The following U2SURP variants were observed in gnomAD, a reference collection of about 807,000 sequenced individuals.
The protein encoded by U2SURP is U2 snRNP associated SURP domain containing.
In U2SURP, 9 loss-of-function variants were observed where a neutral mutation model predicts 144.9. The ratio of observed to expected loss-of-function variants is 0.06; its 90% confidence interval spans 0.04 to 0.11. The LOEUF (loss-of-function observed/expected upper bound fraction) is 0.11, where lower values mean the gene tolerates loss of function less well. Ranked by LOEUF, U2SURP falls within the 10% of genes least tolerant of loss-of-function variation. The pLI is 1.00. For synonymous variants in U2SURP, 408 were observed against 396.8 expected, an observed-to-expected ratio of 1.03 and a Z score of -0.33; for missense variants, 724 against 1,226.7, an observed-to-expected ratio of 0.59 and a Z score of 6.12.
intron 2 of U2SURP, chr3:143,012,002 TA>T: frequency 1.5e-6 from 1 of 662,512 alleles, no homozygotes; most frequent in Non-Finnish European, 2.8e-6. Context: ...AAACAACTGT[TA>T]CCAATATAAA....
intron 19 of U2SURP, among the ~76,000 whole-genome samples, chr3:143,035,502 A>G (rs915480754): frequency 1.8e-4 from 27 of 152,318 alleles, no homozygotes; most frequent in Admixed American, 9.8e-4. Flanking sequence ...GACAACTCCC[A>G]TTTTAAAAGT....
chr3:143,017,754 G>A (rs543003490), intron 6 of U2SURP, among the ~76,000 whole-genome samples: 2 of 151,974 alleles, frequency 1.3e-5, no homozygotes, highest in South Asian at 4.2e-4. Flanking sequence ...TGAGTAGCTG[G>A]GACTACAGGC....
chr3:143,013,153 T>C (rs2108274106), intron 3 of U2SURP, among the ~76,000 whole-genome samples: 1 of 152,178 alleles, frequency 6.6e-6, no homozygotes, highest in African/African-American at 2.4e-5. Flanking sequence ...CACATCTCTG[T>C]TGGGTATCTG....
intron 16 of U2SURP, among the ~76,000 whole-genome samples, chr3:143,030,721 T>G (rs2108292729): frequency 6.6e-6 from 1 of 152,250 alleles, no homozygotes; most frequent in Middle Eastern, 3.4e-3. Context: ...AGAAACCTTG[T>G]GGAAAGCATT....
At chr3:143,014,287 A>G (rs781143386) in intron 3 of U2SURP, 24 bp from the exon 4 acceptor site, 1 of 1,507,368 alleles carries the variant, frequency 6.6e-7, no homozygotes. Context: ...ATCTATATGT[A>G]AAAGTATGCT....
Position 143,055,096 on chromosome 3 carries a change from A to G in U2SURP, c.2928A>G (p.Arg976=), listed in dbSNP as rs1480717776. The change falls in exon 27 of 28, where the codon AGA becomes AGG. Residue 976 remains arginine, a synonymous_variant. Coordinates refer to ENST00000473835, the MANE Select transcript of U2SURP (RefSeq NM_001080415.2). Reference sequence around the variant, plus strand: ...GGTCATCTCACAAAGATTCTCCTAGAGATGTTAGCAAAAAAGCCAAAAGGT... The same window carrying G: ...GGTCATCTCACAAAGATTCTCCTAGGGATGTTAGCAAAAAAGCCAAAAGGT... ...RSRSSHKDSP[R]DVSKKAKRSP... is the part of the protein sequence containing the mutation. 1.9e-6 allele frequency: 3 copies of G among 1,599,580 alleles called. No individual in the cohort carries two copies. Among genetic ancestry groups the G allele is most frequent in the Non-Finnish European group, 2.6e-6 (3 of 1,174,876 alleles).
chr3:143,002,798 A>G (rs574665514), intron 1 of U2SURP, among the ~76,000 whole-genome samples: 5 of 152,340 alleles, frequency 3.3e-5, no homozygotes, highest in African/African-American at 9.6e-5. Context: ...TAATTAATTC[A>G]TAATTAGTAA....
chr3:143,015,335 T>C (rs552883317), intron 4 of U2SURP, among the ~76,000 whole-genome samples: 1 of 152,248 alleles, frequency 6.6e-6, no homozygotes, highest in Admixed American at 6.5e-5. Flanking sequence ...TTTCTCACTT[T>C]GTTGATTGTC....
intron 21 of U2SURP, 57 bp downstream of exon 21, chr3:143,037,392 C>CT: frequency 1.3e-6 from 2 of 1,502,958 alleles, no homozygotes; most frequent in Non-Finnish European, 1.8e-6. Flanking sequence ...GACCAAAACT[C>CT]TAATTTCCAT....
intron 20 of U2SURP, 178 bp from the exon 21 acceptor site, chr3:143,037,001 G>C (rs1284183612): frequency 3.3e-6 from 2 of 600,626 alleles, no homozygotes; most frequent in African/African-American, 3.8e-5. Context: ...GTAAATATTA[G>C]ATAAATGCAC....
chr3:143,038,385 T>C (rs1180098134), intron 22 of U2SURP, among the ~76,000 whole-genome samples, 182 bp downstream of exon 22: 1 of 152,058 alleles, frequency 6.6e-6, no homozygotes, highest in Non-Finnish European at 1.5e-5. Context: ...ACAATTTTCT[T>C]AGGTCCTTCA....
chr3:143,039,620 T>A (rs1453958831), intron 23 of U2SURP, among the ~76,000 whole-genome samples: 1 of 118,276 alleles, frequency 8.5e-6, no homozygotes, highest in Non-Finnish European at 1.8e-5. Flanking sequence ...TTTTTTTTTT[T>A]AAATGAGTAG....
Position 143,053,765 on chromosome 3 carries a change from A to G in U2SURP, c.2745A>G (p.Lys915=). The G allele has an allele frequency of 6.2e-7, 1 of 1,607,180 alleles. No individual in the cohort carries two copies. Among genetic ancestry groups the G allele is most frequent in the Non-Finnish European group, 8.5e-7 (1 of 1,177,184 alleles). The change falls in exon 26 of 28, where the codon AAA becomes AAG. Residue 915 remains lysine, a synonymous_variant. Transcript: ENST00000473835. Reference sequence around the variant, plus strand: ...CTCGCTCCAAAGACAAGAAGGAAAAAGATGAGTGTACTCCGACAAGGAAGG... The same window carrying G: ...CTCGCTCCAAAGACAAGAAGGAAAAGGATGAGTGTACTCCGACAAGGAAGG... The part of the protein sequence containing the change: ...LESRSKDKKE[K]DECTPTRKER...
At chr3:143,047,050 A>AC (rs1443769182) in intron 24 of U2SURP, among the ~76,000 whole-genome samples, 14 of 121,602 alleles carry the variant, frequency 1.2e-4, no homozygotes, top group Admixed American at 3.1e-4. Flanking sequence ...CGGGGGACTG[A>AC]CCCCCCCACC....
chr3:143,020,302 C>T (rs1164217742), intron 7 of U2SURP, among the ~76,000 whole-genome samples: 2 of 152,194 alleles, frequency 1.3e-5, no homozygotes, highest in African/African-American at 2.4e-5. Context: ...ACAGTATACT[C>T]ACTGGGATGG....
intron 4 of U2SURP, among the ~76,000 whole-genome samples, chr3:143,015,707 G>A (rs1578121376): frequency 6.6e-6 from 1 of 151,940 alleles, no homozygotes; most frequent in East Asian, 1.9e-4. Context: ...TGTATTTTCT[G>A]TTATGTTCCA....
At chr3:143,028,672 A>G (rs373755143) in intron 16 of U2SURP, 26 bp downstream of exon 16, 8 of 1,556,982 alleles carry the variant, frequency 5.1e-6, no homozygotes, top group Non-Finnish European at 6.1e-6. Flanking sequence ...TTTCTATTAT[A>G]TATTCAGAAA....
intron 1 of U2SURP, among the ~76,000 whole-genome samples, chr3:143,007,471 A>G (rs1390692444): frequency 7.3e-6 from 1 of 136,470 alleles, no homozygotes; most frequent in Non-Finnish European, 1.5e-5. Context: ...TTTGAGACAG[A>G]GTCTCGCTCT....
intron 4 of U2SURP, 44 bp downstream of exon 4, chr3:143,014,453 T>C: frequency 4.4e-6 from 6 of 1,359,756 alleles, no homozygotes; most frequent in Non-Finnish European, 6.2e-6. Flanking sequence ...GAAATGAATG[T>C]GTCTAAGGGG....
Sources: allele counts gnomAD v4.1 joint callset (sites outside exome capture counted in the v4.1 genomes callset), GRCh38; gene constraint gnomAD v4.1.1; transcripts MANE v1.5; gene names NCBI Gene and HGNC (gene_info 2026-07-23, HGNC 2026-07-21).